The following BAG4 variants were observed in gnomAD, a reference collection of about 807,000 sequenced individuals.
The protein encoded by BAG4 is BAG cochaperone 4, also known as BAG family molecular chaperone regulator 4.
A neutral mutation model predicts 52.1 loss-of-function variants in BAG4; 28 were observed. The observed-to-expected ratio is 0.54, with a 90% CI of 0.40 to 0.74. The LOEUF is 0.74. BAG4 is among the 30% of genes least tolerant of loss of function. The pLI, the probability that BAG4 is intolerant of heterozygous loss-of-function variation, is 0.00. For missense variants in BAG4, 525 were observed against 572.0 expected (o/e 0.92, Z 0.84); for synonymous variants, 208 against 217.0 (o/e 0.96, Z 0.37).
intron 1 of BAG4, among the ~76,000 whole-genome samples, chr8:38,184,844 G>A (rs575904338): frequency 6.6e-5 from 10 of 152,122 alleles, no homozygotes; most frequent in East Asian, 1.9e-4. Context: ...TAATCCCAGC[G>A]CTTTGGGAGG....
In BAG4 at chr8:38,177,144, GCTTTGCACCCTCTGTC is replaced by G. The variant is rs1200433510; in HGVS notation, c.270+9_270+24del. ...CGAGCCGGAGGAAGCCACCAGGTAA[GCTTTGCACCCTCTGTC>G]CTTGCGGGGAGGTGAGGGCCCTTGG... On this transcript the variant is annotated splice_donor_region_variant and intron_variant, in intron 1 of 4. Coordinates refer to ENST00000287322, the MANE Select transcript of BAG4 (RefSeq NM_004874.4). 1 of 1,612,230 alleles carries G rather than the reference GCTTTGCACCCTCTGTC, an allele frequency of 6.2e-7. No individual in the cohort carries two copies. The highest frequency in any genetic ancestry group is 1.3e-5 in the African/African-American group (1 of 74,908).
intron 1 of BAG4, among the ~76,000 whole-genome samples, chr8:38,178,587 G>A (rs942448569): frequency 3.3e-5 from 5 of 152,238 alleles, no homozygotes; most frequent in African/African-American, 9.6e-5. Context: ...AAAATATGGT[G>A]TTAATATATT....
At position 38,212,893 on chromosome 8, in the gene BAG4, G is replaced by A. The variant is rs1268730771; in HGVS notation, c.*2400G>A. 1.3e-5 allele frequency: 2 copies of A among 152,138 alleles called. No individual in the cohort carries two copies. Among genetic ancestry groups the A allele is most frequent in the African/African-American group, 4.8e-5 (2 of 41,428 alleles). The allele number at this position is 152,138 out of a possible 1,614,324, so 9.4% of individuals were successfully genotyped here. ...CAGTTACTACTGTGGTGTTCTAATG[G>A]TGATTTTCTATTTCTCTCAATCCTT... On this transcript the variant is annotated 3_prime_UTR_variant, in exon 5 of 5. Coordinates refer to ENST00000287322, the MANE Select transcript of BAG4 (RefSeq NM_004874.4).
intron 2 of BAG4, among the ~76,000 whole-genome samples, chr8:38,206,949 T>A (rs1803778437): frequency 7.5e-6 from 1 of 132,650 alleles, no homozygotes; most frequent in African/African-American, 3.4e-5. Flanking sequence ...CCTAGATAAT[T>A]TTTTTTTTTT....
rs139247071 is a variant in BAG4, at chr8:38,183,087, C to T, written c.270+5948C>T. On this transcript the variant is annotated intron_variant, in intron 1 of 4. Coordinates refer to ENST00000287322, the MANE Select transcript of BAG4 (RefSeq NM_004874.4). ...TTAGACAGAGTCTCTCTTTGTCGCCCAGGCTGGAGTGCAGTGGCGAAATCT... is the reference window on the plus strand; with the variant it reads ...TTAGACAGAGTCTCTCTTTGTCGCCTAGGCTGGAGTGCAGTGGCGAAATCT... 5.4e-5 allele frequency among the ~76,000 whole-genome samples: 8 copies of T among 147,620 alleles called. No homozygotes were observed. The East Asian group carries it at 1.6e-3, about 29-fold the overall frequency.
intron 1 of BAG4, among the ~76,000 whole-genome samples, chr8:38,177,723 C>T (rs1803188727): frequency 6.6e-6 from 1 of 152,208 alleles, no homozygotes; most frequent in African/African-American, 2.4e-5. Context: ...TTACAGCGGC[C>T]CTTTTTTTTG....
intron 1 of BAG4, among the ~76,000 whole-genome samples, chr8:38,192,064 A>G (rs1585656940): frequency 6.6e-6 from 1 of 152,342 alleles, no homozygotes; most frequent in East Asian, 1.9e-4. Context: ...GTAGAATATG[A>G]AAAACTAGGG....
At chr8:38,185,910 T>C (rs1333541200) in intron 1 of BAG4, among the ~76,000 whole-genome samples, 1 of 152,108 alleles carries the variant, frequency 6.6e-6, no homozygotes, top group African/African-American at 2.4e-5. Flanking sequence ...AGTAAGAACA[T>C]TGGGTCTGTG....
chr8:38,208,462 A>G (rs1803812340), intron 3 of BAG4, among the ~76,000 whole-genome samples: 2 of 146,450 alleles, frequency 1.4e-5, no homozygotes, highest in African/African-American at 2.5e-5. Flanking sequence ...AGCGCCCGCC[A>G]CCGCGCCCAG....
intron 1 of BAG4, among the ~76,000 whole-genome samples, chr8:38,187,750 C>CTGTG (rs1803387789): frequency 6.6e-6 from 1 of 151,338 alleles, no homozygotes; most frequent in Non-Finnish European, 1.5e-5. Context: ...CAGCTGGGTG[C>CTGTG]TGTGGCTCAC....
At chr8:38,190,888 G>A (rs1803463346) in intron 1 of BAG4, among the ~76,000 whole-genome samples, 1 of 151,692 alleles carries the variant, frequency 6.6e-6, no homozygotes, top group South Asian at 2.1e-4. Context: ...TTCCTGAGTA[G>A]CTGAGATTAC....
Position 38,213,161 on chromosome 8 carries a change from A to C in BAG4, c.*2668A>C, listed in dbSNP as rs189383231. 1.2e-4 allele frequency: 19 copies of C among 152,318 alleles called. No individual in the cohort carries two copies. Among genetic ancestry groups the C allele is most frequent in the Admixed American group, 1.2e-3 (19 of 15,304 alleles). The allele number at this position is 152,318 out of a possible 1,614,324, so 9.4% of individuals were successfully genotyped here. A position where few individuals can be genotyped will look rare whatever the true frequency, so the allele number is the denominator to read the frequency against. On this transcript the variant is annotated 3_prime_UTR_variant, in exon 5 of 5. Transcript: ENST00000287322. ...GTAGAATTGGTTCAACTTTTGACTT[A>C]ATACTGACTTTGGACTGAATTCAAA...
rs1279903183 is a variant in BAG4, at chr8:38,208,383, C to T, written c.633+617C>T. ...GGAGTGCAGTGGCACGGTCTAGGCT[C>T]ACTGCAAGCTCCACCTCCTGGGTTC... On this transcript the variant is annotated intron_variant, in intron 3 of 4. Coordinates refer to ENST00000287322, the MANE Select transcript of BAG4 (RefSeq NM_004874.4). Among the ~76,000 whole-genome samples the T allele has an allele frequency of 2.0e-5, 3 of 148,516 alleles. No homozygotes were observed. The Admixed American group carries it at 2.0e-4, about 10-fold the overall frequency.
chr8:38,190,599 CA>C (rs1424796485), intron 1 of BAG4, among the ~76,000 whole-genome samples: 208 of 136,404 alleles, frequency 1.5e-3, no homozygotes, highest in African/African-American at 5.3e-3. Flanking sequence ...GCCCACCTGA[CA>C]TTTTTTTTTT....
At chr8:38,181,794 A>G (rs1165392650) in intron 1 of BAG4, among the ~76,000 whole-genome samples, 1 of 143,784 alleles carries the variant, frequency 7.0e-6, no homozygotes, top group Non-Finnish European at 1.5e-5. Context: ...AATTGCAGCT[A>G]GTCTGAGAAT....
intron 1 of BAG4, among the ~76,000 whole-genome samples, chr8:38,180,220 C>T (rs1472376123): frequency 1.3e-5 from 2 of 152,042 alleles, no homozygotes; most frequent in African/African-American, 4.8e-5. Context: ...ATAGAAAACT[C>T]ATACCAAAGA....
rs563217927 is a variant in BAG4 at position 38,186,964 on chromosome 8, C to T, written c.271-5724C>T. Among the ~76,000 whole-genome samples, 3 of 152,262 alleles carry T rather than the reference C, an allele frequency of 2.0e-5. No homozygotes were observed. The East Asian group carries it at 5.8e-4, about 29-fold the overall frequency. ...TAAACAAATGAGCAAATGACAATAA[C>T]AAGCCTAAGGTGGAAAAGGTGGGAC... On this transcript the variant is annotated intron_variant, in intron 1 of 4. Transcript: ENST00000287322.
intron 1 of BAG4, among the ~76,000 whole-genome samples, chr8:38,192,302 T>C (rs1374137501): frequency 1.3e-5 from 2 of 152,220 alleles, no homozygotes; most frequent in Non-Finnish European, 2.9e-5. Context: ...TTCCTTTATA[T>C]AGCATTTGGT....
At position 38,196,468 on chromosome 8, in the gene BAG4, A is replaced by G. The variant is rs530185781; in HGVS notation, c.378+3673A>G. 2.0e-5 allele frequency among the ~76,000 whole-genome samples: 3 copies of G among 151,942 alleles called. No homozygotes were observed. In the South Asian group the frequency reaches 6.2e-4, roughly 32 times the overall value. ...GGAGATTGAGACCATCCTGGCTAAC[A>G]TGGTAAAATCCCATCTCTACTAAAA... On this transcript the variant is annotated intron_variant, in intron 2 of 4. Transcript: ENST00000287322.
Sources: gnomAD v4.1 joint callset for allele counts (sites outside exome capture counted in the v4.1 genomes callset) on GRCh38, gnomAD v4.1.1 for gene constraint, MANE v1.5 for transcripts, NCBI Gene and HGNC (gene_info 2026-07-23, HGNC 2026-07-21) for gene names.